The following GARNL3 variants were observed in gnomAD, a reference collection of about 807,000 sequenced individuals.
GARNL3 encodes GTPase-activating Rap/Ran-GAP domain-like protein 3.
GARNL3 carries 63 observed loss-of-function variants against 125.0 expected under a neutral mutation model. The ratio of observed to expected loss-of-function variants is 0.50; its 90% CI spans 0.41 to 0.62. GARNL3 has a LOEUF of 0.62. Among genes scored for constraint, GARNL3 ranks in the 20% least tolerant of loss-of-function variants. The pLI is 0.00. For synonymous variants in GARNL3, 439 were observed against 457.5 expected (o/e 0.96, Z 0.52); for missense variants, 994 against 1,244.0 (o/e 0.80, Z 3.02).
At chr9:127,301,417 A>G (rs2064782884) in intron 2 of GARNL3, among the ~76,000 whole-genome samples, 1 of 152,186 alleles carries the variant, frequency 6.6e-6, no homozygotes, top group Non-Finnish European at 1.5e-5. Flanking sequence ...GTGGAGCAGC[A>G]CTATGATATA....
chr9:127,354,012 C>T, intron 18 of GARNL3, 68 bp downstream of exon 18: 1 of 1,023,966 alleles, frequency 9.8e-7, no homozygotes, highest in Non-Finnish European at 1.5e-6. Flanking sequence ...GCCCACACCA[C>T]AGGTCGCCAG....
At chr9:127,321,048 C>T (rs2065383167) in intron 6 of GARNL3, among the ~76,000 whole-genome samples, 1 of 152,184 alleles carries the variant, frequency 6.6e-6, no homozygotes, top group African/African-American at 2.4e-5. Flanking sequence ...AATCCACGAA[C>T]CAATAGGGTG....
At chr9:127,358,812 G>A (rs980293788) in intron 21 of GARNL3, among the ~76,000 whole-genome samples, 5 of 152,112 alleles carry the variant, frequency 3.3e-5, no homozygotes, top group African/African-American at 1.2e-4. Flanking sequence ...GCATGGGTTT[G>A]GGTATGTTTA....
At position 127,227,343 on chromosome 9, in the gene GARNL3, G is replaced by A. The variant is rs943469773; in HGVS notation, c.-29+3005G>A. On this transcript the variant is annotated intron_variant, in intron 1 of 10. Transcript: ENST00000439286. The stretch of plus-strand genomic sequence containing the variant: ...GGGCCAGGCGCAGTGGCTCATGCCT[G>A]TAATCCCAGTACTTTGGGAGGCCGA... Among the ~76,000 whole-genome samples, 32 of 152,182 alleles carry A rather than the reference G, an allele frequency of 2.1e-4. 1 individual carries two copies. Among genetic ancestry groups the A allele is most frequent in the Non-Finnish European group, 1.5e-5 (1 of 68,036 alleles).
rs924871376 is a variant in GARNL3 at position 127,242,212 on chromosome 9, C to T, written c.-28-867C>T. On this transcript the variant is annotated intron_variant, in intron 1 of 10. Transcript: ENST00000439286. This position sits in a 1 kb window ranked among gnomAD's most constrained non-coding sequence, Gnocchi z 4.6. Reference sequence around the variant, plus strand: ...CTCGCGACTCCAGCCAGAGATGTCACGTTTCTTAAGAAGACATTATAAAGA... The same window carrying T: ...CTCGCGACTCCAGCCAGAGATGTCATGTTTCTTAAGAAGACATTATAAAGA... Among the ~76,000 whole-genome samples, 9 of 152,146 alleles carry T rather than the reference C, an allele frequency of 5.9e-5. No individual in the cohort carries two copies. The highest frequency in any genetic ancestry group is 8.8e-5 in the Non-Finnish European group (6 of 68,038).
At chr9:127,373,888 C>T (rs1186950030) in intron 22 of GARNL3, among the ~76,000 whole-genome samples, 2 of 152,190 alleles carry the variant, frequency 1.3e-5, no homozygotes, top group African/African-American at 4.8e-5. Flanking sequence ...CACCTGCAAT[C>T]CCAGCTACTT....
chr9:127,356,697 G>A (rs1830707233), intron 20 of GARNL3, among the ~76,000 whole-genome samples: 1 of 152,192 alleles, frequency 6.6e-6, no homozygotes, highest in South Asian at 2.1e-4. Context: ...ATACATTTAT[G>A]TAATATGAGC....
intron 5 of GARNL3, among the ~76,000 whole-genome samples, chr9:127,318,733 G>T (rs2065310914): frequency 1.3e-5 from 2 of 152,090 alleles, no homozygotes; most frequent in African/African-American, 4.8e-5. Context: ...CCGCCACTTG[G>T]ATCCAGCCTG....
At chr9:127,383,604 A>G in intron 23 of GARNL3, 59 bp downstream of exon 23, 1 of 1,147,016 alleles carries the variant, frequency 8.7e-7, no homozygotes, top group South Asian at 1.4e-5. Flanking sequence ...GAACTATTGT[A>G]AGCAAATCCT....
chr9:127,287,392 G>T (rs1048180269), intron 1 of GARNL3, among the ~76,000 whole-genome samples: 13 of 152,188 alleles, frequency 8.5e-5, no homozygotes, highest in African/African-American at 3.1e-4. Flanking sequence ...CAGATCAAAG[G>T]TTTGTGAGGA....
intron 2 of GARNL3, 27 bp downstream of exon 2, chr9:127,291,269 A>C (rs768118239): frequency 5.1e-5 from 81 of 1,589,054 alleles, no homozygotes; most frequent in Non-Finnish European, 1.4e-5. Flanking sequence ...ACTTCCTGTA[A>C]TGCCACCAAG....
At chr9:127,275,731 A>G (rs375241451) in intron 1 of GARNL3, among the ~76,000 whole-genome samples, 1 of 152,320 alleles carries the variant, frequency 6.6e-6, no homozygotes, top group East Asian at 1.9e-4. Context: ...TCACACTGCC[A>G]CTGTTAGTTG....
intron 2 of GARNL3, among the ~76,000 whole-genome samples, chr9:127,307,000 A>G (rs1405320488): frequency 1.3e-5 from 2 of 152,184 alleles, no homozygotes; most frequent in Non-Finnish European, 2.9e-5. Flanking sequence ...GTATTTTAAG[A>G]TATCAGCAAT....
chr9:127,291,914 AT>A (rs900682402), intron 2 of GARNL3, among the ~76,000 whole-genome samples: 24 of 149,180 alleles, frequency 1.6e-4, no homozygotes, highest in African/African-American at 4.7e-4. Flanking sequence ...CCTGAGCCTC[AT>A]TTTTTTTTCA....
intron 2 of GARNL3, chr9:127,245,468 T>G (rs2063285621): frequency 6.6e-6 from 1 of 152,294 alleles, no homozygotes; most frequent in Non-Finnish European, 1.5e-5. Flanking sequence ...CGGCAGATTC[T>G]GGACTTGCGT....
chr9:127,311,273 T>G (rs1428031387), intron 2 of GARNL3, among the ~76,000 whole-genome samples: 1 of 151,324 alleles, frequency 6.6e-6, no homozygotes, highest in Non-Finnish European at 1.5e-5. Context: ...AAACATGGAT[T>G]AATTCTAGAT....
chr9:127,350,320 C>A (rs573024352), intron 17 of GARNL3, among the ~76,000 whole-genome samples: 1 of 152,016 alleles, frequency 6.6e-6, no homozygotes, highest in Non-Finnish European at 1.5e-5. Context: ...TGATGAAAAT[C>A]GGTGAAACAA....
At chr9:127,254,816 A>G (rs990139627) in intron 2 of GARNL3, among the ~76,000 whole-genome samples, 8 of 152,204 alleles carry the variant, frequency 5.3e-5, no homozygotes, top group Admixed American at 1.3e-4. Flanking sequence ...CCAATAACAT[A>G]CAAAAAAGGA....
At chr9:127,273,723 T>C (rs1300908796) in intron 1 of GARNL3, among the ~76,000 whole-genome samples, 1 of 152,224 alleles carries the variant, frequency 6.6e-6, no homozygotes, top group Non-Finnish European at 1.5e-5. Flanking sequence ...GTTCGTCATA[T>C]ACAGAGTCTC....
Sources: allele counts gnomAD v4.1 joint callset (sites outside exome capture counted in the v4.1 genomes callset), GRCh38; gene constraint gnomAD v4.1.1; non-coding constraint Gnocchi (gnomAD v3.1); transcripts MANE v1.5; gene names NCBI Gene and HGNC (gene_info 2026-07-23, HGNC 2026-07-21).